Variants in AFF2 observed in about 807,000 individuals in gnomAD.
AFF2 encodes ALF transcription elongation factor 2, also known as AF4/FMR2 family member 2.
AFF2 carries 14 observed loss-of-function variants against 76.9 expected under a neutral mutation model. The ratio of observed to expected loss-of-function variants is 0.18; its 90% CI spans 0.12 to 0.28. The LOEUF is 0.28. Ranked by LOEUF, AFF2 falls within the 10% of genes least tolerant of loss-of-function variation. AFF2 has a pLI of 1.00. For missense variants in AFF2, 868 were observed against 1,001.1 expected (o/e 0.87, Z 1.79); for synonymous variants, 398 against 366.7 (o/e 1.09, Z -0.98).
chrX:148,920,769 A>T (rs924592964), intron 9 of AFF2, among the ~76,000 whole-genome samples: 4 of 110,863 alleles, frequency 3.6e-5, no homozygotes, highest in Non-Finnish European at 7.5e-5. Flanking sequence ...GACATAGTTT[A>T]TTGTTGTGTT....
chrX:148,816,860 C>G lies in AFF2; in HGVS notation c.1086+6940C>G, dbSNP rs16992926. Among the ~76,000 whole-genome samples, 22 of 104,966 alleles carry G rather than the reference C, an allele frequency of 2.1e-4. No individual in the cohort carries two copies. In the East Asian group the frequency reaches 6.2e-3, roughly 30 times the overall value. 91.2% of individuals were successfully genotyped at this position (104,966 alleles called of 115,157 possible). ...GCTAGTCTGGAATTCAGCCACAGCC[C>G]TGACTGGTCCTGGAAGAACTCTTGA... is the stretch of plus-strand genomic sequence containing the variant. On this transcript the variant is annotated intron_variant, in intron 4 of 20. Transcript: ENST00000370460.
intron 1 of AFF2, among the ~76,000 whole-genome samples, chrX:148,589,841 G>GA (rs2053505857): frequency 9.1e-6 from 1 of 109,412 alleles, no homozygotes; most frequent in South Asian, 4.1e-4. Flanking sequence ...AGATGCTGGG[G>GA]AAAAAATAAA....
intron 3 of AFF2, among the ~76,000 whole-genome samples, chrX:148,705,204 A>G (rs1400467338): frequency 2.7e-5 from 3 of 111,988 alleles, no homozygotes; most frequent in African/African-American, 6.5e-5. Flanking sequence ...TCATCATGGT[A>G]TCCCCACTCC....
chrX:148,969,392 C>G (rs536950184), intron 15 of AFF2, among the ~76,000 whole-genome samples: 1 of 111,988 alleles, frequency 8.9e-6, no homozygotes, highest in Non-Finnish European at 1.9e-5. Flanking sequence ...ATTGGGGGTA[C>G]GTGAAAAAAT....
intron 3 of AFF2, among the ~76,000 whole-genome samples, chrX:148,772,636 T>C (rs1460412382): frequency 9.1e-6 from 1 of 109,377 alleles, no homozygotes; most frequent in Non-Finnish European, 1.9e-5. Context: ...CAAAAGTCTG[T>C]TTCAGATGCA....
At chrX:148,857,245 A>G (rs1379684627) in intron 7 of AFF2, among the ~76,000 whole-genome samples, 5 of 111,612 alleles carry the variant, frequency 4.5e-5, no homozygotes, top group Non-Finnish European at 9.4e-5. Flanking sequence ...CCATACTCGT[A>G]AGCACTAAGT....
In AFF2 at chrX:148,500,678, C is replaced by CCCCGGCTGCCGCGCCG. The variant is rs2124172049; in HGVS notation, c.-419_-418insCCGGCTGCCGCGCCGC. Reference sequence around the variant, plus strand: ...GCCGCCGCCGCCGCCGCCGCCGCCGCCGCCGCTGCCGCCCCGGCTGCCGCG... The same window carrying CCCCGGCTGCCGCGCCG: ...GCCGCCGCCGCCGCCGCCGCCGCCGCCCCGGCTGCCGCGCCGCGCCGCTGCCGCCCCGGCTGCCGCG... On this transcript the variant is annotated 5_prime_UTR_variant, in exon 1 of 21. Transcript: ENST00000370460. 1 of 96,934 alleles carries CCCCGGCTGCCGCGCCG rather than the reference C, an allele frequency of 1.0e-5. No individual in the cohort carries two copies. Among genetic ancestry groups the CCCCGGCTGCCGCGCCG allele is most frequent in the African/African-American group, 3.7e-5 (1 of 27,125 alleles). The allele number at this position is 96,934 out of a possible 1,213,427, so 8.0% of individuals were successfully genotyped here.
At chrX:148,917,801 A>G (rs1896005933) in intron 9 of AFF2, among the ~76,000 whole-genome samples, 1 of 112,526 alleles carries the variant, frequency 8.9e-6, no homozygotes. Flanking sequence ...TCTCATGAAT[A>G]TGTAAGTCAT....
At chrX:148,695,544 G>A (rs190058055) in intron 3 of AFF2, among the ~76,000 whole-genome samples, 1 of 111,919 alleles carries the variant, frequency 8.9e-6, no homozygotes, top group Admixed American at 9.5e-5. Context: ...GAATTAATTG[G>A]CATTCATTAA....
intron 1 of AFF2, among the ~76,000 whole-genome samples, chrX:148,515,283 A>G (rs970567066): frequency 8.9e-6 from 1 of 112,154 alleles, no homozygotes; most frequent in Non-Finnish European, 1.9e-5. Flanking sequence ...AGACTTATGA[A>G]CCATCATTTA....
At chrX:148,799,024 G>A (rs1440309746) in intron 3 of AFF2, among the ~76,000 whole-genome samples, 2 of 111,954 alleles carry the variant, frequency 1.8e-5, no homozygotes, top group Non-Finnish European at 3.8e-5. Context: ...CATCTCTCCA[G>A]CTAACAGAAG....
intron 3 of AFF2, among the ~76,000 whole-genome samples, chrX:148,806,226 T>C (rs1198401937): frequency 2.7e-5 from 3 of 111,711 alleles, no homozygotes; most frequent in Non-Finnish European, 5.7e-5. Context: ...AGAAAGAGAG[T>C]GCAAGAGAAT....
intron 3 of AFF2, among the ~76,000 whole-genome samples, chrX:148,772,759 T>A (rs1557268205): frequency 1.8e-5 from 2 of 111,452 alleles, no homozygotes; most frequent in African/African-American, 6.5e-5. Context: ...AAATGCCTTA[T>A]CATTTATTTT....
At chrX:148,938,489 A>T (rs782693866) in intron 9 of AFF2, among the ~76,000 whole-genome samples, 62 of 112,073 alleles carry the variant, frequency 5.5e-4, no homozygotes, top group African/African-American at 2.0e-3. Context: ...ACTCATAAAA[A>T]CCATCAGACC....
chrX:148,552,856 C>T (rs1401987200), intron 1 of AFF2, among the ~76,000 whole-genome samples: 2 of 112,097 alleles, frequency 1.8e-5, no homozygotes, highest in African/African-American at 6.5e-5. Flanking sequence ...AAATCGGGGA[C>T]ATCCTTTACT....
At position 148,991,318 on chromosome X, in the gene AFF2, G is replaced by A; in HGVS notation, c.3922G>A (p.Ala1308Thr). The part of the protein sequence containing the change: ...RQGLCWLRID[A>T]HLL ...AGGACTGTGTTGGCTGCGCATCGATGCCCACTTGTTGTAGTGGGTGTTCTC... is the reference window on the plus strand; with the variant it reads ...AGGACTGTGTTGGCTGCGCATCGATACCCACTTGTTGTAGTGGGTGTTCTC... Residue 1308 changes from alanine (A) to threonine (T), a missense_variant, in exon 21 of 21, where the codon GCC becomes ACC. Physicochemically the swap from Ala to Thr is moderately conservative, Grantham distance 58. Around this residue, in one of 6 missense-constraint regions of AFF2, gnomAD observed 33 missense variants for 63.6 expected, o/e 0.52. Coordinates refer to ENST00000370460, the MANE Select transcript of AFF2 (RefSeq NM_002025.4). The A allele has an allele frequency of 8.3e-7, 1 of 1,205,679 alleles. No individual in the cohort carries two copies. Among genetic ancestry groups the A allele is most frequent in the South Asian group, 1.8e-5 (1 of 55,903 alleles).
intron 8 of AFF2, among the ~76,000 whole-genome samples, chrX:148,887,046 G>A (rs1296243835): frequency 2.7e-5 from 3 of 112,745 alleles, no homozygotes; most frequent in Non-Finnish European, 3.8e-5. Flanking sequence ...CATCTTCAAC[G>A]TTATGTGGCC....
chrX:148,664,166 G>C (rs1379833199), intron 3 of AFF2, among the ~76,000 whole-genome samples: 1 of 111,292 alleles, frequency 9.0e-6, no homozygotes, highest in Admixed American at 9.5e-5. Context: ...AGGCAGATCT[G>C]ACCATGTCAC....
chrX:148,521,043 T>C, intron 1 of AFF2, among the ~76,000 whole-genome samples: 1 of 112,096 alleles, frequency 8.9e-6, no homozygotes, highest in African/African-American at 3.2e-5. Context: ...AAGCCATTTA[T>C]CAGTGCATGG....
Sources: gnomAD v4.1 joint callset for allele counts (sites outside exome capture counted in the v4.1 genomes callset) on GRCh38, gnomAD v4.1.1 for gene constraint, gnomAD v4.1.1 regional missense constraint, MANE v1.5 for transcripts, NCBI Gene and HGNC (gene_info 2026-07-23, HGNC 2026-07-21) for gene names.